TMEM131: variants seen among roughly 807,000 people sequenced by gnomAD.
The protein encoded by TMEM131 is transmembrane protein 131, also known as 2610524E03Rik.
A neutral mutation model predicts 211.6 loss-of-function variants in TMEM131; 66 were observed. The ratio of observed to expected loss-of-function variants is 0.31; its 90% CI spans 0.26 to 0.38. The LOEUF is 0.38. TMEM131 is among the 10% of genes least tolerant of loss of function. The pLI is 1.00. For missense variants in TMEM131, 2,036 were observed against 2,299.3 expected (o/e 0.89, Z 2.34); for synonymous variants, 844 against 841.3 (o/e 1.00, Z -0.06).
intron 7 of TMEM131, 142 bp from the exon 8 acceptor site, chr2:97,837,299 T>C (rs1682984371): frequency 1.7e-6 from 1 of 576,148 alleles, no homozygotes; most frequent in East Asian, 3.2e-5. Context: ...ATGTATAATA[T>C]CACTAAATTC....
In TMEM131 at chr2:97,802,418, C is replaced by A. The variant is rs745396552; in HGVS notation, c.2651+10G>T. On this transcript the variant is annotated intron_variant, in intron 24 of 40. Transcript: ENST00000186436. ...ATAGAAACACTGTGATGATCCCAAGCAATACTTACCTTGATACTAACTTAT... is the reference window on the plus strand; with the variant it reads ...ATAGAAACACTGTGATGATCCCAAGAAATACTTACCTTGATACTAACTTAT... The A allele has an allele frequency of 1.3e-6, 2 of 1,565,198 alleles. No homozygotes were observed. Among genetic ancestry groups the A allele is most frequent in the Middle Eastern group, 1.7e-4 (1 of 5,868 alleles).
At chr2:97,765,702 G>A (rs1215918286) in intron 35 of TMEM131, among the ~76,000 whole-genome samples, 1 of 152,190 alleles carries the variant, frequency 6.6e-6, no homozygotes, top group Non-Finnish European at 1.5e-5. Context: ...AAAGTTGAGA[G>A]GATGGAATTC....
At chr2:97,854,936 C>G (rs1264809576) in intron 5 of TMEM131, among the ~76,000 whole-genome samples, 4 of 152,164 alleles carry the variant, frequency 2.6e-5, no homozygotes, top group Non-Finnish European at 5.9e-5. Flanking sequence ...CTGTGCACAC[C>G]TAAGTCTCTG....
chr2:97,782,797 T>TA (rs904269633), intron 31 of TMEM131, among the ~76,000 whole-genome samples: 4 of 149,264 alleles, frequency 2.7e-5, no homozygotes, highest in East Asian at 2.0e-4. Context: ...GAAAATGGAC[T>TA]AAAAAAAAAG....
chr2:97,836,771 T>G (rs775258393), intron 8 of TMEM131, among the ~76,000 whole-genome samples: 1 of 152,190 alleles, frequency 6.6e-6, no homozygotes. Context: ...AAGCACATCA[T>G]AAATTATCAG....
intron 1 of TMEM131, among the ~76,000 whole-genome samples, chr2:97,942,546 T>C (rs1003763014): frequency 6.9e-6 from 1 of 145,298 alleles, no homozygotes; most frequent in Admixed American, 6.8e-5. Context: ...CAAAAAGAAA[T>C]GAACTTTCCA....
chr2:97,921,546 C>CAA (rs1055779970), intron 2 of TMEM131, among the ~76,000 whole-genome samples: 44 of 152,306 alleles, frequency 2.9e-4, no homozygotes, highest in African/African-American at 1.1e-3. Flanking sequence ...GTCACCATTA[C>CAA]ATAAGCCAAA....
At chr2:97,918,595 TAAC>T (rs759450965) in intron 2 of TMEM131, among the ~76,000 whole-genome samples, 8 of 151,968 alleles carry the variant, frequency 5.3e-5, no homozygotes, top group Middle Eastern at 3.4e-3. Flanking sequence ...CCAATTTCAT[TAAC>T]AACAACAACA....
intron 32 of TMEM131, among the ~76,000 whole-genome samples, chr2:97,774,258 G>C (rs1679604660): frequency 6.6e-6 from 1 of 152,228 alleles, no homozygotes; most frequent in Admixed American, 6.5e-5. Context: ...GTGGCCTTTT[G>C]TCCACTGTTG....
At chr2:97,782,099 G>T (rs1334992693) in intron 31 of TMEM131, among the ~76,000 whole-genome samples, 4 of 152,214 alleles carry the variant, frequency 2.6e-5, no homozygotes, top group Non-Finnish European at 5.9e-5. Context: ...CGCCCTTCCT[G>T]GCCAGGCACT....
intron 1 of TMEM131, among the ~76,000 whole-genome samples, chr2:97,961,998 T>C (rs1028561979): frequency 6.6e-6 from 1 of 152,156 alleles, no homozygotes; most frequent in African/African-American, 2.4e-5. Context: ...TCCTACCATA[T>C]ATAAAAATTA....
chr2:97,840,776 TGATGC>T (rs1683160506), intron 7 of TMEM131, among the ~76,000 whole-genome samples: 1 of 152,212 alleles, frequency 6.6e-6, no homozygotes, highest in East Asian at 1.9e-4. Context: ...GGTTCTTCTG[TGATGC>T]AGACATCCAG....
rs577897207 is a variant in TMEM131 at position 97,787,357 on chromosome 2, G to C, written c.4144+5029C>G. Among the ~76,000 whole-genome samples the C allele has an allele frequency of 6.6e-5, 10 of 152,300 alleles. No individual in the cohort carries two copies. The East Asian group carries it at 1.9e-3, about 29-fold the overall frequency. The stretch of plus-strand genomic sequence containing the variant: ...TATTTCAGGGAAGTTTCAATCACTA[G>C]CAAATGGGTTCTCTGAACATATGTG... On this transcript the variant is annotated intron_variant, in intron 31 of 40. Coordinates refer to ENST00000186436, the MANE Select transcript of TMEM131 (RefSeq NM_015348.2).
chr2:97,934,228 A>G (rs755659895), intron 1 of TMEM131, among the ~76,000 whole-genome samples: 1 of 152,198 alleles, frequency 6.6e-6, no homozygotes, highest in Non-Finnish European at 1.5e-5. Flanking sequence ...ACTAACAATG[A>G]ATATGCAAAA....
chr2:97,792,808 G>T lies in TMEM131; in HGVS notation c.3722C>A (p.Ser1241Ter). The change falls in exon 31 of 41, where the codon TCA becomes TAA. Residue 1241 changes from serine to a stop codon, truncating the protein, a stop_gained. Coordinates refer to ENST00000186436, the MANE Select transcript of TMEM131 (RefSeq NM_015348.2). LOFTEE classifies it high-confidence loss of function. ...DVENVRAKNS[S>*]STSSRTSAQA... is the part of the protein sequence containing the mutation. ...AGCAGAAGTCCTACTAGAGGTACTTGAACTGTTTTTGGCTCTGACGTTTTC... is the reference window on the plus strand; with the variant it reads ...AGCAGAAGTCCTACTAGAGGTACTTTAACTGTTTTTGGCTCTGACGTTTTC... The T allele has an allele frequency of 6.2e-7, 1 of 1,614,004 alleles. No individual in the cohort carries two copies. Among genetic ancestry groups the T allele is most frequent in the South Asian group, 1.1e-5 (1 of 91,078 alleles).
At chr2:97,982,505 T>G (rs1469556739) in intron 1 of TMEM131, among the ~76,000 whole-genome samples, 2 of 152,212 alleles carry the variant, frequency 1.3e-5, no homozygotes, top group East Asian at 3.8e-4. Context: ...CACAAAACTT[T>G]CAAATTTTGA....
intron 11 of TMEM131, among the ~76,000 whole-genome samples, chr2:97,820,895 T>C (rs1408080638): frequency 6.6e-6 from 1 of 152,038 alleles, no homozygotes. Context: ...AATGGGTTGT[T>C]TTCTGAGATC....
chr2:97,932,672 T>C (rs1397861688), intron 1 of TMEM131, among the ~76,000 whole-genome samples: 1 of 152,224 alleles, frequency 6.6e-6, no homozygotes, highest in African/African-American at 2.4e-5. Context: ...ACTTCAGTTA[T>C]AAAATGTAGA....
intron 3 of TMEM131, among the ~76,000 whole-genome samples, chr2:97,905,868 A>T (rs1483041005): frequency 1.3e-5 from 2 of 152,184 alleles, no homozygotes; most frequent in Non-Finnish European, 2.9e-5. Flanking sequence ...TGTAGCACAA[A>T]GCCTGTAGAA....
Sources: allele counts gnomAD v4.1 joint callset (sites outside exome capture counted in the v4.1 genomes callset), GRCh38; gene constraint gnomAD v4.1.1; transcripts MANE v1.5; gene names NCBI Gene and HGNC (gene_info 2026-07-23, HGNC 2026-07-21).